Variants in DACH2 observed in about 807,000 individuals in gnomAD.
The protein encoded by DACH2 is dachshund family transcription factor 2, also known as dachshund homolog 2.
In DACH2, 17 loss-of-function variants were observed where a neutral mutation model predicts 35.8. That is an observed-to-expected ratio of 0.48 (90% CI 0.33 to 0.71). DACH2 has a LOEUF of 0.71. DACH2 is among the 30% of genes least tolerant of loss of function. The pLI, the probability that DACH2 is intolerant of heterozygous loss-of-function variation, is 0.02. For synonymous variants in DACH2, 195 were observed against 177.3 expected (o/e 1.10, Z -0.79); for missense variants, 469 against 472.7 (o/e 0.99, Z 0.07).
chrX:86,246,450 CA>C (rs1420238302), intron 1 of DACH2, among the ~76,000 whole-genome samples: 2 of 111,921 alleles, frequency 1.8e-5, no homozygotes, highest in Non-Finnish European at 3.8e-5. Context: ...TGAACTCTAT[CA>C]GGCTAACAGT....
intron 1 of DACH2, among the ~76,000 whole-genome samples, chrX:86,306,758 T>C (rs969666808): frequency 9.0e-6 from 1 of 111,660 alleles, no homozygotes; most frequent in African/African-American, 3.3e-5. Flanking sequence ...CTTGTGATTA[T>C]GTAAGTTAAT....
chrX:86,567,165 A>G (rs764206782), intron 3 of DACH2, among the ~76,000 whole-genome samples: 2 of 111,986 alleles, frequency 1.8e-5, no homozygotes, highest in Non-Finnish European at 3.8e-5. Context: ...GTGGTTTAAG[A>G]TGAGGCATGT....
At chrX:86,181,158 A>ATCTATCTG (rs1185307785) in intron 1 of DACH2, among the ~76,000 whole-genome samples, 2 of 106,941 alleles carry the variant, frequency 1.9e-5, no homozygotes, top group African/African-American at 3.4e-5. Context: ...CTGACTGTCT[A>ATCTATCTG]TCTATCTATC....
At chrX:86,155,875 T>C (rs1019436407) in intron 1 of DACH2, among the ~76,000 whole-genome samples, 1 of 111,011 alleles carries the variant, frequency 9.0e-6, no homozygotes, top group African/African-American at 3.3e-5. Context: ...GTATCTCCAG[T>C]GGTTAGGCTA....
chrX:86,494,779 C>A (rs1302963980), intron 2 of DACH2, among the ~76,000 whole-genome samples: 1 of 112,040 alleles, frequency 8.9e-6, no homozygotes, highest in Non-Finnish European at 1.9e-5. Flanking sequence ...AACTTAAAAA[C>A]CAAAATTATC....
intron 4 of DACH2, among the ~76,000 whole-genome samples, chrX:86,652,953 C>T (rs2040494358): frequency 8.9e-6 from 1 of 112,029 alleles, no homozygotes; most frequent in Non-Finnish European, 1.9e-5. Flanking sequence ...CTATTTCTCA[C>T]GTTTTACTTT....
intron 2 of DACH2, among the ~76,000 whole-genome samples, chrX:86,453,168 T>C (rs2148199634): frequency 8.9e-6 from 1 of 112,162 alleles, no homozygotes; most frequent in East Asian, 2.8e-4. Context: ...TTGATTGTGC[T>C]GTGGTCTGAA....
chrX:86,608,595 A>C (rs1052745624), intron 3 of DACH2, among the ~76,000 whole-genome samples: 1 of 111,777 alleles, frequency 8.9e-6, no homozygotes, highest in African/African-American at 3.3e-5. Flanking sequence ...TTTCTGATTG[A>C]AATATGCCCT....
chrX:86,722,376 T>C (rs1396607010), intron 6 of DACH2, among the ~76,000 whole-genome samples: 2 of 111,682 alleles, frequency 1.8e-5, no homozygotes, highest in Non-Finnish European at 3.8e-5. Flanking sequence ...AAAGACAGTG[T>C]TTTGCTCTCT....
At chrX:86,503,194 G>A (rs1238363629) in intron 2 of DACH2, among the ~76,000 whole-genome samples, 3 of 111,814 alleles carry the variant, frequency 2.7e-5, no homozygotes, top group Non-Finnish European at 5.6e-5. Flanking sequence ...GAGGATAAAT[G>A]TTGTGGTTTT....
intron 2 of DACH2, among the ~76,000 whole-genome samples, chrX:86,460,523 A>T (rs1215633361): frequency 9.0e-6 from 1 of 110,997 alleles, no homozygotes; most frequent in Admixed American, 9.7e-5. Context: ...ATACAATTAT[A>T]TGCAAGATCC....
At chrX:86,555,716 A>G (rs1473021744) in intron 3 of DACH2, among the ~76,000 whole-genome samples, 2 of 111,713 alleles carry the variant, frequency 1.8e-5, no homozygotes, top group East Asian at 2.8e-4. Flanking sequence ...AACTTTATAA[A>G]TTAGAAACTA....
At chrX:86,279,700 A>G (rs1274846120) in intron 1 of DACH2, among the ~76,000 whole-genome samples, 3 of 110,535 alleles carry the variant, frequency 2.7e-5, no homozygotes, top group Non-Finnish European at 5.7e-5. Flanking sequence ...GCTTCAGAAG[A>G]TAGGTAATAA....
intron 1 of DACH2, among the ~76,000 whole-genome samples, chrX:86,339,897 C>T (rs761365271): frequency 3.8e-4 from 42 of 111,782 alleles, no homozygotes; most frequent in African/African-American, 1.3e-3. Context: ...TGGCCAGGTA[C>T]CATAATATTA....
intron 1 of DACH2, among the ~76,000 whole-genome samples, chrX:86,221,610 T>C (rs1486897668): frequency 8.9e-6 from 1 of 112,235 alleles, no homozygotes; most frequent in African/African-American, 3.2e-5. Flanking sequence ...ATTTGGATTT[T>C]GATGGGTGTA....
chrX:86,183,718 T>A (rs1266516779), intron 1 of DACH2, among the ~76,000 whole-genome samples: 3 of 111,910 alleles, frequency 2.7e-5, no homozygotes, highest in Non-Finnish European at 3.8e-5. Context: ...GTCCCTCTTT[T>A]TCTATTGTTT....
At chrX:86,440,957 T>C (rs2037150252) in intron 2 of DACH2, among the ~76,000 whole-genome samples, 1 of 111,223 alleles carries the variant, frequency 9.0e-6, no homozygotes, top group South Asian at 3.7e-4. Context: ...TGTAATGTTG[T>C]ACCTGTTGAC....
chrX:86,281,344 A>G (rs2034024235), intron 1 of DACH2, among the ~76,000 whole-genome samples: 1 of 111,656 alleles, frequency 9.0e-6, no homozygotes, highest in South Asian at 3.8e-4. Flanking sequence ...GGCTGGTTAA[A>G]CATACACAAA....
At chrX:86,231,608 C>G (rs935966953) in intron 1 of DACH2, among the ~76,000 whole-genome samples, 5 of 111,777 alleles carry the variant, frequency 4.5e-5, no homozygotes, top group African/African-American at 9.8e-5. Context: ...TGCAACAACC[C>G]CAAGTCTGTT....
Sources: allele counts gnomAD v4.1 joint callset (sites outside exome capture counted in the v4.1 genomes callset), GRCh38; gene constraint gnomAD v4.1.1; transcripts MANE v1.5; gene names NCBI Gene and HGNC (gene_info 2026-07-23, HGNC 2026-07-21).